TAOK1: variants seen among roughly 807,000 people sequenced by gnomAD.
TAOK1 encodes TAO kinase 1.
Under a neutral mutation model 138.3 loss-of-function variants are expected in TAOK1, and 21 were observed. The ratio of observed to expected loss-of-function variants is 0.15; its 90% confidence interval spans 0.11 to 0.22. TAOK1 has a LOEUF of 0.22. Ranked by LOEUF, TAOK1 falls within the 10% of genes least tolerant of loss-of-function variation. The pLI, the probability that TAOK1 is intolerant of heterozygous loss-of-function variation, is 1.00. For synonymous variants in TAOK1, 361 were observed against 398.4 expected (o/e 0.91, Z 1.12); for missense variants, 651 against 1,227.7 (o/e 0.53, Z 7.02).
chr17:29,492,533 C>CTGT (rs895571411), intron 10 of TAOK1, among the ~76,000 whole-genome samples: 51 of 152,210 alleles, frequency 3.4e-4, no homozygotes, highest in African/African-American at 1.2e-3. Context: ...TGGCTCACGC[C>CTGT]TGTAATCCCA....
rs570212472 is a variant in TAOK1, at chr17:29,464,849, G to A, written c.133-2296G>A. ...TTTTTTTTTTTTTTTTTTTGATACA[G>A]GGTCTCTGTTGCTCAGGCTGGAGTG... On this transcript the variant is annotated intron_variant, in intron 2 of 19. Coordinates refer to ENST00000261716, the MANE Select transcript of TAOK1 (RefSeq NM_020791.4). Among the ~76,000 whole-genome samples, 7 of 146,152 alleles carry A rather than the reference G, an allele frequency of 4.8e-5. No individual in the cohort carries two copies. The South Asian group carries it at 1.3e-3, about 27-fold the overall frequency.
At chr17:29,420,002 C>T (rs187307869) in intron 1 of TAOK1, among the ~76,000 whole-genome samples, 55 of 151,924 alleles carry the variant, frequency 3.6e-4, no homozygotes, top group African/African-American at 1.3e-3. Flanking sequence ...ACCTCAGTCT[C>T]CCAAGTAGCT....
At chr17:29,521,031 A>G (rs765349337) in intron 16 of TAOK1, among the ~76,000 whole-genome samples, 13 of 152,154 alleles carry the variant, frequency 8.5e-5, no homozygotes, top group Admixed American at 5.2e-4. Context: ...GTCTCAAAAA[A>G]AAAAAAATCT....
Position 29,508,151 on chromosome 17 carries a change from T to C in TAOK1, c.1575+19T>C, listed in dbSNP as rs1316942932. On this transcript the variant is annotated intron_variant, in intron 14 of 19. Coordinates refer to ENST00000261716, the MANE Select transcript of TAOK1 (RefSeq NM_020791.4). ...GAAAGAGGTGGCTTATTCAGTATTA[T>C]TACTTTGCTTATTTTAGGTTTTGAA... is the stretch of plus-strand genomic sequence containing the variant. The C allele has an allele frequency of 6.3e-7, 1 of 1,597,828 alleles. No homozygotes were observed. Among genetic ancestry groups the C allele is most frequent in the Admixed American group, 1.7e-5 (1 of 59,792 alleles).
At position 29,495,565 on chromosome 17, in the gene TAOK1, A is replaced by G. The variant is rs1228102436; in HGVS notation, c.837A>G (p.Ile279Met). ...RPTSEELLKH[I>M]FVLRERPETV... ...TTACCTTCTACCCTATCTAGCACAT[A>G]TTTGTTCTTCGGGAGCGCCCTGAAA... The change falls in exon 11 of 20, where the codon ATA (isoleucine) becomes ATG (methionine). Residue 279 changes from isoleucine (I) to methionine (M), a missense_variant. Ile to Met is a conservative substitution (Grantham distance 10). Coordinates refer to ENST00000261716, the MANE Select transcript of TAOK1 (RefSeq NM_020791.4). 2 of 1,597,650 alleles carry G rather than the reference A, an allele frequency of 1.3e-6. No individual in the cohort carries two copies. The highest frequency in any genetic ancestry group is 1.3e-5 in the African/African-American group (1 of 74,694).
At chr17:29,536,996 G>A (rs879276591) in intron 19 of TAOK1, among the ~76,000 whole-genome samples, 24 of 152,032 alleles carry the variant, frequency 1.6e-4, no homozygotes, top group African/African-American at 9.7e-5. Context: ...CACAGCGCCC[G>A]GCCATCTCAT....
chr17:29,439,833 A>C (rs1906157388), intron 1 of TAOK1, among the ~76,000 whole-genome samples: 1 of 148,404 alleles, frequency 6.7e-6, no homozygotes, highest in South Asian at 2.2e-4. Flanking sequence ...GAATCCAGCC[A>C]GGGCAACGTA....
Position 29,542,626 on chromosome 17 carries a change from T to C in TAOK1, c.2610T>C (p.Arg870=). The change falls in exon 20 of 20, where the codon CGT becomes CGC. Residue 870 remains arginine, a synonymous_variant. Coordinates refer to ENST00000261716, the MANE Select transcript of TAOK1 (RefSeq NM_020791.4). ...AACGAATACGAAGCCTGTTGGAACGTCAAGCCAGAGAGATTGAAGCTTTTG... is the reference window on the plus strand; with the variant it reads ...AACGAATACGAAGCCTGTTGGAACGCCAAGCCAGAGAGATTGAAGCTTTTG... The part of the protein sequence containing the change: ...RTERIRSLLE[R]QAREIEAFDS... The C allele has an allele frequency of 2.5e-6, 4 of 1,614,224 alleles. No individual in the cohort carries two copies. The South Asian group carries it at 4.4e-5, about 18-fold the overall frequency.
chr17:29,433,424 C>CA (rs35805615), intron 1 of TAOK1, among the ~76,000 whole-genome samples: 20,089 of 91,206 alleles, frequency 0.22, 1,541 homozygotes, highest in Admixed American at 0.28. Context: ...GACTCTGTCT[C>CA]AAAAAAAAAA....
intron 1 of TAOK1, among the ~76,000 whole-genome samples, chr17:29,449,369 A>G (rs1015997250): frequency 6.6e-6 from 1 of 152,204 alleles, no homozygotes; most frequent in African/African-American, 2.4e-5. Context: ...GATATATATT[A>G]GAAATTGAAT....
In TAOK1 at chr17:29,501,210, C is replaced by G. The variant is rs545629827; in HGVS notation, c.1204-1379C>G. On this transcript the variant is annotated intron_variant, in intron 12 of 19. Transcript: ENST00000261716. Reference sequence around the variant, plus strand: ...GACCAGCCTGGGCAACATAGGGAGACCCCATCTGTTTAAAAAAAAAAAAAA... The same window carrying G: ...GACCAGCCTGGGCAACATAGGGAGAGCCCATCTGTTTAAAAAAAAAAAAAA... Among the ~76,000 whole-genome samples, 9 of 137,176 alleles carry G rather than the reference C, an allele frequency of 6.6e-5. No individual in the cohort carries two copies. The South Asian group carries it at 2.1e-3, about 32-fold the overall frequency. 90.0% of individuals were successfully genotyped at this position (137,176 alleles called of 152,430 possible).
rs530077859 is a variant in TAOK1, at chr17:29,550,989, A to C, written c.*7967A>C. 3 of 145,498 alleles carry C rather than the reference A, an allele frequency of 2.1e-5. No homozygotes were observed. The highest frequency in any genetic ancestry group is 7.4e-5 in the African/African-American group (3 of 40,482). 9.0% of individuals were successfully genotyped at this position (145,498 alleles called of 1,614,324 possible). On this transcript the variant is annotated 3_prime_UTR_variant, in exon 20 of 20. Transcript: ENST00000261716. The stretch of plus-strand genomic sequence containing the variant: ...CCTAAAAAAAGAAAATGCTTCAGTC[A>C]ATTGCTTTTTTATTTAAAAAAAAAA...
At chr17:29,460,451 A>G (rs146274647) in intron 2 of TAOK1, among the ~76,000 whole-genome samples, 5,626 of 152,186 alleles carry the variant, frequency 0.037, 364 homozygotes, top group African/African-American at 0.13. Flanking sequence ...CGGCCTCCCA[A>G]AGTTCTGGGA....
At chr17:29,459,325 G>A (rs1176397789) in intron 2 of TAOK1, among the ~76,000 whole-genome samples, 2 of 151,864 alleles carry the variant, frequency 1.3e-5, no homozygotes, top group Non-Finnish European at 2.9e-5. Flanking sequence ...TTATATAATT[G>A]TTTTACATAT....
chr17:29,414,066 G>A (rs1285470961), intron 1 of TAOK1, among the ~76,000 whole-genome samples: 1 of 151,560 alleles, frequency 6.6e-6, no homozygotes, highest in East Asian at 1.9e-4. Context: ...TGTATTTTTA[G>A]TAGAGACGGG....
intron 17 of TAOK1, among the ~76,000 whole-genome samples, chr17:29,523,243 TAAAGTAA>T (rs2031950977): frequency 6.6e-6 from 1 of 150,800 alleles, no homozygotes; most frequent in African/African-American, 2.4e-5. Flanking sequence ...AAGTGCATTA[TAAAGTAA>T]AAAGTTTAAA....
At chr17:29,407,517 C>T (rs1313092284) in intron 1 of TAOK1, among the ~76,000 whole-genome samples, 5 of 151,642 alleles carry the variant, frequency 3.3e-5, no homozygotes, top group Non-Finnish European at 1.5e-5. Flanking sequence ...ACAATCATGG[C>T]TCACTGCAAC....
intron 19 of TAOK1, among the ~76,000 whole-genome samples, chr17:29,538,466 G>A (rs2032261408): frequency 6.6e-6 from 1 of 152,184 alleles, no homozygotes; most frequent in Admixed American, 6.5e-5. Flanking sequence ...TTCAAGCAAA[G>A]TATGTGACTA....
intron 15 of TAOK1, among the ~76,000 whole-genome samples, chr17:29,517,162 G>T (rs2031833173): frequency 6.6e-6 from 1 of 151,836 alleles, no homozygotes; most frequent in East Asian, 2.0e-4. Flanking sequence ...AATTTTTTTT[G>T]TATTTTTAGT....
Sources: gnomAD v4.1 joint callset for allele counts (sites outside exome capture counted in the v4.1 genomes callset) on GRCh38, gnomAD v4.1.1 for gene constraint, MANE v1.5 for transcripts, NCBI Gene and HGNC (gene_info 2026-07-23, HGNC 2026-07-21) for gene names.